The following GALNT13 variants were observed in gnomAD, a reference collection of about 807,000 sequenced individuals.
GALNT13 encodes polypeptide N-acetylgalactosaminyltransferase 13.
In GALNT13, 28 loss-of-function variants were observed where a neutral mutation model predicts 64.2. That is an observed-to-expected ratio of 0.44 (90% CI 0.32 to 0.60). GALNT13 has a LOEUF of 0.60. Ranked by LOEUF, GALNT13 falls within the 20% of genes least tolerant of loss-of-function variation. The pLI is 0.05. For missense variants in GALNT13, 577 were observed against 669.8 expected (o/e 0.86, Z 1.53); for synonymous variants, 214 against 224.6 (o/e 0.95, Z 0.42).
chr2:153,130,767 T>C, the GALNT13 span, among the ~76,000 whole-genome samples: 1 of 152,182 alleles, frequency 6.6e-6, no homozygotes, highest in Non-Finnish European at 1.5e-5. Flanking sequence ...TAGCCTCTTG[T>C]AATGTTTCCT....
chr2:153,675,243 A>G, the GALNT13 span, among the ~76,000 whole-genome samples: 2 of 152,232 alleles, frequency 1.3e-5, no homozygotes, highest in African/African-American at 4.8e-5. Flanking sequence ...AAACACATGC[A>G]CACGTATGTT....
the GALNT13 span, among the ~76,000 whole-genome samples, chr2:153,657,643 A>T: frequency 6.6e-6 from 1 of 152,122 alleles, no homozygotes; most frequent in Admixed American, 6.6e-5. Flanking sequence ...TATAGATATC[A>T]TTCTACATCC....
chr2:154,287,834 T>A (rs1692361108), intron 8 of GALNT13, among the ~76,000 whole-genome samples: 1 of 152,090 alleles, frequency 6.6e-6, no homozygotes, highest in Admixed American at 6.5e-5. Flanking sequence ...TTCTTCATTT[T>A]CCTTGACTCT....
the GALNT13 span, among the ~76,000 whole-genome samples, chr2:153,340,984 G>T: frequency 6.6e-5 from 10 of 152,202 alleles, 1 homozygote; most frequent in South Asian, 1.9e-3. Context: ...CTACTGAATC[G>T]TAAGCTCTGA....
intron 3 of GALNT13, among the ~76,000 whole-genome samples, chr2:154,115,032 A>C (rs1031921420): frequency 6.6e-6 from 1 of 152,192 alleles, no homozygotes; most frequent in Non-Finnish European, 1.5e-5. Context: ...GGTTTTTTAA[A>C]GATGCAGATG....
At chr2:153,203,576 A>G in the GALNT13 span, among the ~76,000 whole-genome samples, 1 of 152,164 alleles carries the variant, frequency 6.6e-6, no homozygotes, top group Non-Finnish European at 1.5e-5. Context: ...GAAAATGGAT[A>G]TGGTTAGCAT....
At chr2:153,857,129 G>T in the GALNT13 span, among the ~76,000 whole-genome samples, 1 of 152,264 alleles carries the variant, frequency 6.6e-6, no homozygotes, top group Non-Finnish European at 1.5e-5. Context: ...TAGCCAGCTT[G>T]CATCAATGTG....
chr2:153,844,956 G>C, the GALNT13 span, among the ~76,000 whole-genome samples: 2 of 152,082 alleles, frequency 1.3e-5, no homozygotes, highest in African/African-American at 2.4e-5. Context: ...ATTTCTATCT[G>C]AGATCTTGTC....
the GALNT13 span, among the ~76,000 whole-genome samples, chr2:153,656,478 C>T: frequency 6.6e-6 from 1 of 152,018 alleles, no homozygotes; most frequent in African/African-American, 2.4e-5. Context: ...ACTATTTCAA[C>T]TATTTTATCT....
At chr2:153,891,675 C>G (rs759333196) in intron 1 of GALNT13, among the ~76,000 whole-genome samples, 3 of 151,954 alleles carry the variant, frequency 2.0e-5, no homozygotes, top group Admixed American at 6.6e-5. Context: ...AAAACTATGC[C>G]TCATCATTGG....
chr2:154,306,083 A>T (rs758437867), intron 9 of GALNT13, among the ~76,000 whole-genome samples: 34 of 152,148 alleles, frequency 2.2e-4, no homozygotes, highest in Non-Finnish European at 4.4e-4. Context: ...TCTCTGATCC[A>T]GCCCTGGATA....
At chr2:153,766,045 G>T in the GALNT13 span, among the ~76,000 whole-genome samples, 1 of 152,162 alleles carries the variant, frequency 6.6e-6, no homozygotes, top group African/African-American at 2.4e-5. Flanking sequence ...TTAGCAGCAT[G>T]AGAACAGACT....
chr2:153,965,552 T>C (rs941973360), intron 3 of GALNT13, among the ~76,000 whole-genome samples: 2 of 152,164 alleles, frequency 1.3e-5, no homozygotes, highest in Admixed American at 6.5e-5. Context: ...TGATTACATA[T>C]ATAGAACAGG....
At chr2:153,551,962 A>G in the GALNT13 span, among the ~76,000 whole-genome samples, 31 of 152,204 alleles carry the variant, frequency 2.0e-4, no homozygotes, top group Admixed American at 2.0e-3. Context: ...TGGCGTGAGT[A>G]AAATAGCAGT....
At chr2:153,135,777 G>A in the GALNT13 span, among the ~76,000 whole-genome samples, 385 of 152,012 alleles carry the variant, frequency 2.5e-3, 1 homozygote, top group African/African-American at 8.8e-3. Context: ...ACTTATTAGG[G>A]TATATTTGGG....
chr2:154,389,070 A>G (rs1199229964), intron 9 of GALNT13, among the ~76,000 whole-genome samples: 5 of 152,140 alleles, frequency 3.3e-5, no homozygotes, highest in Non-Finnish European at 5.9e-5. Flanking sequence ...CGAGAGTTGT[A>G]TTTTGTCAAC....
chr2:153,677,284 TACACACACACACACACACAC>T, the GALNT13 span, among the ~76,000 whole-genome samples: 4 of 144,666 alleles, frequency 2.8e-5, no homozygotes, highest in African/African-American at 7.7e-5. Flanking sequence ...ACAATAGACA[TACACACACACACACACACAC>T]ACACACACAC....
chr2:153,479,850 A>G, the GALNT13 span, among the ~76,000 whole-genome samples: 2 of 152,166 alleles, frequency 1.3e-5, no homozygotes, highest in Admixed American at 6.5e-5. Flanking sequence ...AACCTGTCAG[A>G]TTAAGTTTCT....
intron 1 of GALNT13, among the ~76,000 whole-genome samples, chr2:153,895,409 T>C (rs985678345): frequency 8.5e-5 from 13 of 152,174 alleles, no homozygotes; most frequent in Non-Finnish European, 1.6e-4. Context: ...ATAATTATTT[T>C]ACTAAAGTTG....
Sources: gnomAD v4.1 joint callset for allele counts (sites outside exome capture counted in the v4.1 genomes callset) on GRCh38, gnomAD v4.1.1 for gene constraint, MANE v1.5 for transcripts, NCBI Gene and HGNC (gene_info 2026-07-23, HGNC 2026-07-21) for gene names.